The following FSTL4 variants were observed in gnomAD, a reference collection of about 807,000 sequenced individuals.
The protein encoded by FSTL4 is follistatin-related protein 4.
In FSTL4, 28 loss-of-function variants were observed where a neutral mutation model predicts 78.2. The ratio of observed to expected loss-of-function variants is 0.36; its 90% confidence interval spans 0.27 to 0.49. FSTL4 has a LOEUF of 0.49. Ranked by LOEUF, FSTL4 falls within the 20% of genes least tolerant of loss-of-function variation. The probability of loss-of-function intolerance (pLI) is 0.98; values close to 1 mark genes in which losing one functional copy is unlikely to be tolerated. For missense variants in FSTL4, 922 were observed against 1,084.9 expected (o/e 0.85, Z 2.11); for synonymous variants, 422 against 440.5 (o/e 0.96, Z 0.53).
the FSTL4 span, among the ~76,000 whole-genome samples, chr5:133,793,960 T>C: frequency 6.6e-6 from 1 of 152,222 alleles, no homozygotes; most frequent in Non-Finnish European, 1.5e-5. Context: ...CCTGGAGGAA[T>C]TCCCTGAGAA....
At chr5:133,838,687 T>C in the FSTL4 span, among the ~76,000 whole-genome samples, 1 of 150,912 alleles carries the variant, frequency 6.6e-6, no homozygotes, top group South Asian at 2.1e-4. Context: ...CTTTTACAAA[T>C]TGGCTCAGGG....
intron 15 of FSTL4, among the ~76,000 whole-genome samples, chr5:133,201,221 G>A (rs1336093860): frequency 2.6e-5 from 4 of 152,226 alleles, no homozygotes; most frequent in African/African-American, 9.6e-5. Context: ...TTGGTCGTCT[G>A]GCAGTGGTAA....
intron 6 of FSTL4, among the ~76,000 whole-genome samples, chr5:133,301,915 G>A (rs895732103): frequency 3.9e-5 from 6 of 152,066 alleles, no homozygotes; most frequent in Admixed American, 2.0e-4. Flanking sequence ...CCTCGTGTTG[G>A]CGACCAAACT....
chr5:133,796,321 T>C, the FSTL4 span, among the ~76,000 whole-genome samples: 20 of 152,192 alleles, frequency 1.3e-4, no homozygotes, highest in Admixed American at 1.3e-3. Context: ...AGCCTTGCTG[T>C]CTGCGGACAG....
chr5:133,577,729 C>T (rs1323695084), intron 2 of FSTL4, among the ~76,000 whole-genome samples: 1 of 150,906 alleles, frequency 6.6e-6, no homozygotes, highest in East Asian at 1.9e-4. Flanking sequence ...CATAGTGAAA[C>T]CCCCCTCTCT....
intron 4 of FSTL4, among the ~76,000 whole-genome samples, chr5:133,392,768 A>G (rs1755881567): frequency 6.6e-6 from 1 of 152,228 alleles, no homozygotes; most frequent in South Asian, 2.1e-4. Flanking sequence ...GGTTGGAGAA[A>G]GAAGGACAGG....
the FSTL4 span, among the ~76,000 whole-genome samples, chr5:133,622,729 T>A: frequency 6.6e-6 from 1 of 152,178 alleles, no homozygotes; most frequent in Admixed American, 6.5e-5. Context: ...TTTGGTGAAA[T>A]ATCTCTTCAT....
At chr5:133,722,137 A>C in the FSTL4 span, among the ~76,000 whole-genome samples, 1 of 152,092 alleles carries the variant, frequency 6.6e-6, no homozygotes, top group African/African-American at 2.4e-5. Context: ...ACCCAGCCAC[A>C]TAGCAGGAGG....
At chr5:133,403,825 G>C (rs533150740) in intron 3 of FSTL4, among the ~76,000 whole-genome samples, 1 of 152,188 alleles carries the variant, frequency 6.6e-6, no homozygotes, top group African/African-American at 2.4e-5. Context: ...TTCATGGGGG[G>C]CTGGGGGGAG....
the FSTL4 span, among the ~76,000 whole-genome samples, chr5:133,669,713 C>A: frequency 6.6e-6 from 1 of 152,188 alleles, no homozygotes; most frequent in African/African-American, 2.4e-5. Flanking sequence ...AGGAGATAAG[C>A]CCTGGTGGAG....
intron 15 of FSTL4, 78 bp downstream of exon 15, chr5:133,201,855 C>T: frequency 1.3e-6 from 1 of 781,344 alleles, no homozygotes; most frequent in South Asian, 1.9e-5. Flanking sequence ...TGAGCAGGTC[C>T]CATGCTGGGC....
chr5:133,394,547 C>T (rs250854), intron 4 of FSTL4, among the ~76,000 whole-genome samples: 67,031 of 152,170 alleles, frequency 0.44, 16,933 homozygotes, highest in East Asian at 0.58. Flanking sequence ...GCCGGCCCAC[C>T]GGGCTGTTCT....
At chr5:133,498,732 G>A (rs1758424201) in intron 3 of FSTL4, among the ~76,000 whole-genome samples, 1 of 146,358 alleles carries the variant, frequency 6.8e-6, no homozygotes, top group Non-Finnish European at 1.5e-5. Flanking sequence ...AAAAAAAAAA[G>A]GATCATGCCT....
intron 3 of FSTL4, among the ~76,000 whole-genome samples, chr5:133,489,933 T>A (rs1414451411): frequency 6.6e-6 from 1 of 152,332 alleles, no homozygotes; most frequent in East Asian, 1.9e-4. Flanking sequence ...ACCAGTGACA[T>A]CATCTCCTAC....
the FSTL4 span, among the ~76,000 whole-genome samples, chr5:133,684,812 T>C: frequency 2.0e-5 from 3 of 152,196 alleles, no homozygotes; most frequent in Admixed American, 6.5e-5. Flanking sequence ...TCAAGCATAA[T>C]TGAGGGCTGC....
intron 1 of FSTL4, among the ~76,000 whole-genome samples, chr5:133,609,492 A>G (rs1761044993): frequency 6.6e-6 from 1 of 152,220 alleles, no homozygotes; most frequent in Non-Finnish European, 1.5e-5. Context: ...TTACGACCCT[A>G]GTTTTGATAT....
the FSTL4 span, among the ~76,000 whole-genome samples, chr5:133,681,042 G>A: frequency 6.6e-6 from 1 of 152,244 alleles, no homozygotes; most frequent in Non-Finnish European, 1.5e-5. Flanking sequence ...CAGAGCAGAG[G>A]CAGCCAGGGC....
intron 13 of FSTL4, among the ~76,000 whole-genome samples, chr5:133,211,183 T>C (rs188273006): frequency 6.6e-6 from 1 of 152,352 alleles, no homozygotes; most frequent in Non-Finnish European, 1.5e-5. Context: ...CCCCTGATGA[T>C]ATAGCTTCTC....
intron 4 of FSTL4, among the ~76,000 whole-genome samples, chr5:133,345,298 G>A (rs1366181595): frequency 6.6e-6 from 1 of 152,086 alleles, no homozygotes; most frequent in Non-Finnish European, 1.5e-5. Flanking sequence ...ATTTGTTTAA[G>A]TTCCTTGTAG....
Sources: allele counts gnomAD v4.1 joint callset (sites outside exome capture counted in the v4.1 genomes callset), GRCh38; gene constraint gnomAD v4.1.1; transcripts MANE v1.5; gene names NCBI Gene and HGNC (gene_info 2026-07-23, HGNC 2026-07-21).